The following FCHSD2 variants were observed in gnomAD, a reference collection of about 807,000 sequenced individuals.
FCHSD2 encodes FCH and double SH3 domains 2.
In FCHSD2, 38 loss-of-function variants were observed where a neutral mutation model predicts 108.1. That is an observed-to-expected ratio of 0.35 (90% CI 0.27 to 0.46). The LOEUF (loss-of-function observed/expected upper bound fraction) is 0.46. Among genes scored for constraint, FCHSD2 ranks in the 20% least tolerant of loss-of-function variants. The probability of loss-of-function intolerance (pLI) is 1.00; values close to 1 mark genes in which losing one functional copy is unlikely to be tolerated. For synonymous variants in FCHSD2, 279 were observed against 314.7 expected, an observed-to-expected ratio of 0.89 and a Z score of 1.20; for missense variants, 751 against 897.8, an observed-to-expected ratio of 0.84 and a Z score of 2.09.
chr11:72,906,413 G>A (rs1855631364), intron 9 of FCHSD2, among the ~76,000 whole-genome samples: 1 of 152,170 alleles, frequency 6.6e-6, no homozygotes, highest in African/African-American at 2.4e-5. Flanking sequence ...TTGCTGTGCA[G>A]AAGCTCTTTA....
intron 3 of FCHSD2, among the ~76,000 whole-genome samples, chr11:73,079,951 T>C (rs1212517931): frequency 6.6e-6 from 1 of 152,184 alleles, no homozygotes; most frequent in Non-Finnish European, 1.5e-5. Flanking sequence ...ACATACATTA[T>C]TATATAGGAT....
At chr11:72,946,934 G>C (rs535390549) in intron 8 of FCHSD2, among the ~76,000 whole-genome samples, 1 of 152,178 alleles carries the variant, frequency 6.6e-6, no homozygotes, top group African/African-American at 2.4e-5. Context: ...GCAGCACCAG[G>C]TGCCCCTCTT....
At chr11:72,968,820 T>G (rs1158199176) in intron 8 of FCHSD2, among the ~76,000 whole-genome samples, 1 of 152,216 alleles carries the variant, frequency 6.6e-6, no homozygotes, top group African/African-American at 2.4e-5. Context: ...CCAAGGTTCA[T>G]CCTTTGACCA....
chr11:72,939,257 A>G (rs1487961010), intron 8 of FCHSD2, among the ~76,000 whole-genome samples: 1 of 152,212 alleles, frequency 6.6e-6, no homozygotes, highest in Non-Finnish European at 1.5e-5. Flanking sequence ...GTCAAAAAAG[A>G]CAGGATCCAT....
At chr11:73,071,888 C>T (rs747983595) in intron 3 of FCHSD2, among the ~76,000 whole-genome samples, 1 of 151,942 alleles carries the variant, frequency 6.6e-6, no homozygotes, top group Non-Finnish European at 1.5e-5. Context: ...TAGAACAGTG[C>T]CTGACACATG....
intron 9 of FCHSD2, among the ~76,000 whole-genome samples, chr11:72,904,602 A>G (rs961263865): frequency 6.6e-6 from 1 of 152,214 alleles, no homozygotes; most frequent in African/African-American, 2.4e-5. Flanking sequence ...TATGACATCT[A>G]AAAGGACTCT....
intron 5 of FCHSD2, among the ~76,000 whole-genome samples, chr11:72,992,789 T>A (rs1230367923): frequency 6.6e-6 from 1 of 152,112 alleles, no homozygotes; most frequent in Non-Finnish European, 1.5e-5. Context: ...ATGTTAGACC[T>A]AAAACCATAA....
At chr11:73,047,269 T>C (rs753218526) in intron 3 of FCHSD2, among the ~76,000 whole-genome samples, 3 of 151,916 alleles carry the variant, frequency 2.0e-5, no homozygotes, top group Non-Finnish European at 2.9e-5. Context: ...AAGATTCTTA[T>C]GAAACAGGAT....
intron 3 of FCHSD2, among the ~76,000 whole-genome samples, chr11:73,046,251 C>A (rs1565383613): frequency 6.6e-6 from 1 of 152,072 alleles, no homozygotes; most frequent in Non-Finnish European, 1.5e-5. Context: ...CTTGGCCTCC[C>A]AAAGCACTGG....
At chr11:72,935,961 T>C (rs894196671) in intron 8 of FCHSD2, among the ~76,000 whole-genome samples, 1 of 152,238 alleles carries the variant, frequency 6.6e-6, no homozygotes, top group Non-Finnish European at 1.5e-5. Flanking sequence ...GTACTACTTA[T>C]GCTCACCCAG....
intron 10 of FCHSD2, among the ~76,000 whole-genome samples, chr11:72,894,834 T>C (rs1021354795): frequency 2.0e-5 from 3 of 152,212 alleles, no homozygotes; most frequent in African/African-American, 7.2e-5. Flanking sequence ...CATATATGAA[T>C]GAAAATATTC....
chr11:73,013,915 ACTAT>A (rs1857913827), intron 4 of FCHSD2, among the ~76,000 whole-genome samples: 1 of 152,040 alleles, frequency 6.6e-6, no homozygotes, highest in Admixed American at 6.6e-5. Context: ...GCCCAGCCTA[ACTAT>A]CTATAAGTTG....
At chr11:72,850,071 T>C (rs981331094) in intron 13 of FCHSD2, among the ~76,000 whole-genome samples, 182 bp from the exon 14 acceptor site, 71 of 149,014 alleles carry the variant, frequency 4.8e-4, no homozygotes, top group African/African-American at 1.6e-3. Context: ...TTTTTTTTTT[T>C]TTTTTTTTTG....
chr11:72,872,854 C>T (rs963425288), intron 12 of FCHSD2, among the ~76,000 whole-genome samples: 2 of 152,142 alleles, frequency 1.3e-5, no homozygotes, highest in Non-Finnish European at 2.9e-5. Context: ...GTTTAACCAT[C>T]TGGGGAAATA....
intron 3 of FCHSD2, among the ~76,000 whole-genome samples, chr11:73,074,014 G>A (rs1373524737): frequency 1.3e-5 from 2 of 151,932 alleles, no homozygotes; most frequent in Non-Finnish European, 2.9e-5. Context: ...GGCAATAATA[G>A]TATAAGATCT....
chr11:72,858,923 C>T (rs1861498442), intron 13 of FCHSD2, among the ~76,000 whole-genome samples: 1 of 152,180 alleles, frequency 6.6e-6, no homozygotes, highest in Admixed American at 6.5e-5. Flanking sequence ...CACTGGGCAT[C>T]ACTCATGAAG....
intron 14 of FCHSD2, among the ~76,000 whole-genome samples, chr11:72,844,105 T>C (rs1394748739): frequency 6.6e-6 from 1 of 152,160 alleles, no homozygotes; most frequent in African/African-American, 2.4e-5. Context: ...GATGCCTCCA[T>C]TTCTTTGAAA....
chr11:72,963,601 G>C (rs941338313), intron 8 of FCHSD2, among the ~76,000 whole-genome samples: 1 of 152,188 alleles, frequency 6.6e-6, no homozygotes, highest in Non-Finnish European at 1.5e-5. Flanking sequence ...GACCAGTTTC[G>C]TGGAAGATAA....
At chr11:72,839,825 G>A (rs1340461400) in intron 19 of FCHSD2, among the ~76,000 whole-genome samples, 3 of 152,164 alleles carry the variant, frequency 2.0e-5, no homozygotes, top group African/African-American at 7.2e-5. Flanking sequence ...CATATAAATG[G>A]TTATCATAGC....
Sources: gnomAD v4.1 joint callset for allele counts (sites outside exome capture counted in the v4.1 genomes callset) on GRCh38, gnomAD v4.1.1 for gene constraint, MANE v1.5 for transcripts, NCBI Gene and HGNC (gene_info 2026-07-23, HGNC 2026-07-21) for gene names.